Variants in MYO5C observed in about 807,000 individuals in gnomAD.
MYO5C encodes myosin VC.
MYO5C carries 194 observed loss-of-function variants against 235.7 expected under a neutral mutation model. The ratio of observed to expected loss-of-function variants is 0.82; its 90% CI spans 0.73 to 0.93. MYO5C has a LOEUF of 0.93. Ranked by LOEUF, MYO5C falls within the 40% of genes least tolerant of loss-of-function variation. The pLI, the probability that MYO5C is intolerant of heterozygous loss-of-function variation, is 0.00. For missense variants in MYO5C, 2,038 were observed against 2,127.2 expected, an observed-to-expected ratio of 0.96 and a Z score of 0.82; for synonymous variants, 707 against 754.8, an observed-to-expected ratio of 0.94 and a Z score of 1.04.
At chr15:52,255,904 T>C (rs990372685) in intron 11 of MYO5C, among the ~76,000 whole-genome samples, 3 of 152,136 alleles carry the variant, frequency 2.0e-5, no homozygotes, top group Non-Finnish European at 2.9e-5. Flanking sequence ...TTGGAATCCA[T>C]CTCCTGTCTG....
chr15:52,204,726 A>G, intron 38 of MYO5C, 139 bp downstream of exon 38: 1 of 1,057,106 alleles, frequency 9.5e-7, no homozygotes, highest in Admixed American at 2.8e-5. Context: ...TCCTAGGGTG[A>G]CTCGAATATC....
At chr15:52,293,652 A>C (rs547851355) in intron 1 of MYO5C, among the ~76,000 whole-genome samples, 156 of 150,682 alleles carry the variant, frequency 1.0e-3, no homozygotes, top group African/African-American at 3.7e-3. Context: ...CCCACTCCCC[A>C]GTCCAGCCTC....
In MYO5C at chr15:52,237,548, T is replaced by G. The variant is rs1223661304; in HGVS notation, c.2802A>C (p.Glu934Asp). The G allele has an allele frequency of 6.2e-7, 1 of 1,614,198 alleles. No individual in the cohort carries two copies. Among genetic ancestry groups the G allele is most frequent in the Admixed American group, 1.7e-5 (1 of 60,024 alleles). Reference sequence around the variant, plus strand: ...AATTTCGCCTGTGAGTGGCTGCTTTTTCTAGTTCTGCTTCCAGCTTCTGAA... The same window carrying G: ...AATTTCGCCTGTGAGTGGCTGCTTTGTCTAGTTCTGCTTCCAGCTTCTGAA... ...EKIQKLEAELEKAATHRRNYE... is the reference protein window; with the variant it reads ...EKIQKLEAELDKAATHRRNYE... Residue 934 changes from glutamate to aspartate, a missense_variant, in exon 22 of 41, where the codon GAA becomes GAC. By Grantham distance (45) the Glu-to-Asp change is conservative. Coordinates refer to ENST00000261839, the MANE Select transcript of MYO5C (RefSeq NM_018728.4).
At chr15:52,291,335 C>T (rs1347810023) in intron 1 of MYO5C, among the ~76,000 whole-genome samples, 2 of 152,178 alleles carry the variant, frequency 1.3e-5, no homozygotes, top group African/African-American at 2.4e-5. Context: ...CTCCTCAAGC[C>T]GTCTGTCCTA....
At chr15:52,212,403 C>T (rs2035463365) in intron 34 of MYO5C, among the ~76,000 whole-genome samples, 1 of 152,110 alleles carries the variant, frequency 6.6e-6, no homozygotes, top group South Asian at 2.1e-4. Context: ...GATAAGCAAA[C>T]AAGGATGTCC....
intron 29 of MYO5C, among the ~76,000 whole-genome samples, chr15:52,222,082 G>A (rs559980472): frequency 6.6e-6 from 1 of 152,294 alleles, no homozygotes; most frequent in Non-Finnish European, 1.5e-5. Context: ...ACAGGCTAAT[G>A]TAAGCATTCT....
intron 23 of MYO5C, among the ~76,000 whole-genome samples, chr15:52,233,584 T>A (rs145033656): frequency 6.6e-6 from 1 of 152,374 alleles, no homozygotes; most frequent in Non-Finnish European, 1.5e-5. Context: ...ACCACTCATC[T>A]GTGATAACCA....
intron 29 of MYO5C, 21 bp downstream of exon 29, chr15:52,223,523 G>T: frequency 6.2e-7 from 1 of 1,603,514 alleles, no homozygotes; most frequent in African/African-American, 1.3e-5. Context: ...CCACGACTGG[G>T]GCCCCTGGCT....
chr15:52,240,442 G>A (rs1179748315), intron 20 of MYO5C, among the ~76,000 whole-genome samples: 5 of 146,768 alleles, frequency 3.4e-5, no homozygotes, highest in African/African-American at 5.0e-5. Flanking sequence ...GTGGTGGCAC[G>A]TACCTGTAGT....
chr15:52,287,966 A>T (rs554379105), intron 1 of MYO5C, among the ~76,000 whole-genome samples: 1 of 151,484 alleles, frequency 6.6e-6, no homozygotes, highest in South Asian at 2.1e-4. Context: ...ACATGCGTGA[A>T]ACTCCGTCTC....
At chr15:52,226,743 G>A (rs1162692001) in intron 25 of MYO5C, among the ~76,000 whole-genome samples, 1 of 152,208 alleles carries the variant, frequency 6.6e-6, no homozygotes, top group African/African-American at 2.4e-5. Flanking sequence ...TGAAGGCCAT[G>A]CTTTTCTTTG....
In MYO5C at chr15:52,292,868, C is replaced by T. The variant is rs756756927; in HGVS notation, c.27+2742G>A. On this transcript the variant is annotated intron_variant, in intron 1 of 40. Coordinates refer to ENST00000261839, the MANE Select transcript of MYO5C (RefSeq NM_018728.4). ...GACAGAGGCTCAGACAGGTGGAGTT[C>T]GTGTGCCAAGGCACGCAGTGGCAAC... Among the ~76,000 whole-genome samples the T allele has an allele frequency of 3.9e-5, 6 of 152,310 alleles. No individual in the cohort carries two copies. In the South Asian group the frequency reaches 8.3e-4, roughly 21 times the overall value.
intron 3 of MYO5C, 50 bp from the exon 4 acceptor site, chr15:52,279,067 T>G (rs781392917): frequency 4.3e-5 from 66 of 1,548,542 alleles, no homozygotes; most frequent in Non-Finnish European, 5.6e-5. Context: ...GCCACCTGCA[T>G]CTCCAGTTTT....
intron 28 of MYO5C, among the ~76,000 whole-genome samples, chr15:52,224,683 G>T (rs1230626830): frequency 6.6e-6 from 1 of 152,164 alleles, no homozygotes; most frequent in Non-Finnish European, 1.5e-5. Context: ...CACTGTATGG[G>T]TTATGGGGTT....
intron 8 of MYO5C, 22 bp downstream of exon 8, chr15:52,269,731 T>C (rs1442656779): frequency 6.6e-7 from 1 of 1,524,540 alleles, no homozygotes; most frequent in Admixed American, 1.7e-5. Flanking sequence ...GCTACATACT[T>C]GGATGGGATA....
chr15:52,253,527 A>C, intron 11 of MYO5C, 70 bp from the exon 12 acceptor site: 1 of 1,403,552 alleles, frequency 7.1e-7, no homozygotes, highest in Non-Finnish European at 9.9e-7. Context: ...GCAGGATGTA[A>C]GCATTTGGAA....
At chr15:52,290,956 A>T (rs4514621) in intron 1 of MYO5C, among the ~76,000 whole-genome samples, 2,795 of 152,324 alleles carry the variant, frequency 0.018, 83 homozygotes, top group South Asian at 0.13. Context: ...AGGATTTTAC[A>T]CGCCATTAAT....
At position 52,193,935 on chromosome 15, in the gene MYO5C, G is replaced by C. The variant is rs2034989419; in HGVS notation, c.5196C>G (p.Ser1732Arg). The C allele has an allele frequency of 2.5e-6, 4 of 1,613,248 alleles. No individual in the cohort carries two copies. The highest frequency in any genetic ancestry group is 1.7e-6 in the Non-Finnish European group (2 of 1,179,766). Residue 1732 changes from serine to arginine, a missense_variant, in exon 41 of 41, where the codon AGC becomes AGG. Transcript: ENST00000261839. Reference sequence around the variant, plus strand: ...TATTCAGAAAGCCTAGCTTGAAACTGCTGGGGATCTGAATCATTTCCAGAG... The same window carrying C: ...TATTCAGAAAGCCTAGCTTGAAACTCCTGGGGATCTGAATCATTTCCAGAG... ...PHALEMIQIP[S>R]SFKLGFLNRL
In MYO5C at chr15:52,271,761, A is replaced by T; in HGVS notation, c.832+2T>A. 5.2e-6 allele frequency: 8 copies of T among 1,528,418 alleles called. No homozygotes were observed. Among genetic ancestry groups the T allele is most frequent in the Non-Finnish European group, 7.1e-6 (8 of 1,122,708 alleles). 94.7% of individuals were successfully genotyped at this position (1,528,418 alleles called of 1,614,324 possible). On this transcript the variant is annotated splice_donor_variant, in intron 7 of 40. Transcript: ENST00000261839. LOFTEE classifies it high-confidence loss of function. ...CCCTTTCATACACGATCCATCACAT[A>T]CCCAATTTAAGATGTTTAAATTCCG...
Sources: allele counts gnomAD v4.1 joint callset (sites outside exome capture counted in the v4.1 genomes callset), GRCh38; gene constraint gnomAD v4.1.1; transcripts MANE v1.5; gene names NCBI Gene and HGNC (gene_info 2026-07-23, HGNC 2026-07-21).